Variants in GPC5 observed in about 807,000 individuals in gnomAD.
The protein encoded by GPC5 is glypican-5.
Under a neutral mutation model 53.9 loss-of-function variants are expected in GPC5, and 47 were observed. The ratio of observed to expected loss-of-function variants is 0.87; its 90% CI spans 0.69 to 1.11. GPC5 has a LOEUF of 1.11. Ranked by LOEUF, GPC5 falls within the 50% of genes most tolerant of loss-of-function variation. The pLI is 0.00. For synonymous variants in GPC5, 286 were observed against 263.3 expected (o/e 1.09, Z -0.84); for missense variants, 748 against 713.1 (o/e 1.05, Z -0.56).
chr13:92,621,288 C>T (rs2139115052), intron 7 of GPC5, among the ~76,000 whole-genome samples: 2 of 152,276 alleles, frequency 1.3e-5, no homozygotes, highest in East Asian at 3.9e-4. Flanking sequence ...CCACCACAGC[C>T]TCCACTCCCA....
At chr13:92,060,121 G>A (rs1037251514) in intron 6 of GPC5, among the ~76,000 whole-genome samples, 1 of 151,474 alleles carries the variant, frequency 6.6e-6, no homozygotes, top group Non-Finnish European at 1.5e-5. Flanking sequence ...TTTTTTTCAG[G>A]TCTAATGTGT....
chr13:92,479,343 A>T (rs375024500), intron 7 of GPC5, among the ~76,000 whole-genome samples: 13 of 152,220 alleles, frequency 8.5e-5, no homozygotes, highest in African/African-American at 2.7e-4. Flanking sequence ...AGCCTTTATC[A>T]TAGAAGCAAG....
At position 92,563,326 on chromosome 13, in the gene GPC5, A is replaced by ATT. The variant is rs1453296300; in HGVS notation, c.1562-302956_1562-302955insTT. ...TATTTTTGTGTTAATTGTTCTATCT[A>ATT]AGCTTTTTATCTAATAGTTTTTAAA... On this transcript the variant is annotated intron_variant, in intron 7 of 7. Transcript: ENST00000377067. Among the ~76,000 whole-genome samples, 142 of 152,166 alleles carry ATT rather than the reference A, an allele frequency of 9.3e-4. No individual in the cohort carries two copies. The East Asian group carries it at 0.024, about 25-fold the overall frequency.
chr13:92,342,547 C>T (rs1240755046), intron 7 of GPC5, among the ~76,000 whole-genome samples: 1 of 152,070 alleles, frequency 6.6e-6, no homozygotes, highest in African/African-American at 2.4e-5. Context: ...ACATAAGTTA[C>T]CGTCTATGAG....
chr13:91,617,845 T>C (rs1310407341), intron 2 of GPC5, among the ~76,000 whole-genome samples: 1 of 152,162 alleles, frequency 6.6e-6, no homozygotes, highest in African/African-American at 2.4e-5. Context: ...CTAGTCTTTA[T>C]TGCAACTACT....
intron 7 of GPC5, among the ~76,000 whole-genome samples, chr13:92,337,374 T>C (rs1029084726): frequency 1.3e-5 from 2 of 152,122 alleles, no homozygotes; most frequent in African/African-American, 4.8e-5. Context: ...TCTTCACAAC[T>C]GGATCGATTC....
At chr13:91,869,338 C>T (rs957824876) in intron 5 of GPC5, among the ~76,000 whole-genome samples, 10 of 151,994 alleles carry the variant, frequency 6.6e-5, no homozygotes, top group African/African-American at 2.4e-4. Context: ...GGATTATAGG[C>T]GTGAACCACC....
Position 92,567,283 on chromosome 13 carries a change from A to C in GPC5, c.1562-298999A>C, listed in dbSNP as rs1271209331. On this transcript the variant is annotated intron_variant, in intron 7 of 7. Coordinates refer to ENST00000377067, the MANE Select transcript of GPC5 (RefSeq NM_004466.6). Reference sequence around the variant, plus strand: ...ACCCATCATCTTTACCCTGTTCTTCAGCATTTGTAGGCAAAGGGGAATTTA... The same window carrying C: ...ACCCATCATCTTTACCCTGTTCTTCCGCATTTGTAGGCAAAGGGGAATTTA... Among the ~76,000 whole-genome samples, 3 of 152,166 alleles carry C rather than the reference A, an allele frequency of 2.0e-5. No homozygotes were observed. The East Asian group carries it at 5.8e-4, about 29-fold the overall frequency.
chr13:92,427,119 G>A (rs1380811675), intron 7 of GPC5, among the ~76,000 whole-genome samples: 1 of 151,548 alleles, frequency 6.6e-6, no homozygotes, highest in African/African-American at 2.4e-5. Flanking sequence ...GCTTACCCAA[G>A]GAATAGCAAT....
chr13:92,861,630 A>G (rs1474325442), intron 7 of GPC5, among the ~76,000 whole-genome samples: 4 of 152,134 alleles, frequency 2.6e-5, no homozygotes, highest in Non-Finnish European at 5.9e-5. Flanking sequence ...TGCAATCTAT[A>G]ATGCAAAATT....
intron 7 of GPC5, among the ~76,000 whole-genome samples, chr13:92,433,620 A>T (rs138791800): frequency 6.6e-6 from 1 of 152,198 alleles, no homozygotes; most frequent in Non-Finnish European, 1.5e-5. Context: ...TGAATTACTT[A>T]TATGAATGTT....
intron 7 of GPC5, among the ~76,000 whole-genome samples, chr13:92,207,363 G>A (rs186926047): frequency 8.5e-5 from 13 of 152,298 alleles, no homozygotes; most frequent in African/African-American, 2.6e-4. Flanking sequence ...ATAATTTCTT[G>A]CTTAGGAATC....
intron 7 of GPC5, among the ~76,000 whole-genome samples, chr13:92,345,741 A>G (rs1326809499): frequency 3.9e-5 from 6 of 152,076 alleles, no homozygotes; most frequent in Non-Finnish European, 7.4e-5. Flanking sequence ...GAGGCATCCA[A>G]TCTTCCCTAG....
At chr13:92,268,819 T>C (rs2042820758) in intron 7 of GPC5, among the ~76,000 whole-genome samples, 1 of 152,136 alleles carries the variant, frequency 6.6e-6, no homozygotes, top group African/African-American at 2.4e-5. Flanking sequence ...CTTTTTCTTA[T>C]GTCATTGTCA....
intron 7 of GPC5, among the ~76,000 whole-genome samples, chr13:92,679,465 T>C (rs1480879311): frequency 6.6e-6 from 1 of 152,212 alleles, no homozygotes; most frequent in Non-Finnish European, 1.5e-5. Flanking sequence ...TTCCCTGAGG[T>C]GATGATACTA....
At chr13:92,026,963 ATATT>A (rs1337795098) in intron 6 of GPC5, among the ~76,000 whole-genome samples, 2 of 152,176 alleles carry the variant, frequency 1.3e-5, no homozygotes, top group Non-Finnish European at 2.9e-5. Flanking sequence ...TTTCATTTAA[ATATT>A]TATTTGAGTG....
intron 5 of GPC5, among the ~76,000 whole-genome samples, chr13:91,818,802 T>C (rs996477340): frequency 3.9e-5 from 6 of 152,154 alleles, no homozygotes; most frequent in African/African-American, 1.4e-4. Flanking sequence ...GATATATAAA[T>C]ACAAGATGTT....
chr13:92,038,282 C>T (rs2040910156), intron 6 of GPC5, among the ~76,000 whole-genome samples: 1 of 151,384 alleles, frequency 6.6e-6, no homozygotes. Context: ...TTCATTTGTA[C>T]ATTGAGGGAG....
intron 2 of GPC5, among the ~76,000 whole-genome samples, chr13:91,512,083 C>T (rs191303494): frequency 7.8e-4 from 119 of 152,226 alleles, no homozygotes; most frequent in South Asian, 2.5e-3. Context: ...TCACCACAGG[C>T]TTTAAATATA....
Sources: gnomAD v4.1 joint callset for allele counts (sites outside exome capture counted in the v4.1 genomes callset) on GRCh38, gnomAD v4.1.1 for gene constraint, MANE v1.5 for transcripts, NCBI Gene and HGNC (gene_info 2026-07-23, HGNC 2026-07-21) for gene names.